Variants in ITGAX observed in about 807,000 individuals in gnomAD.
The protein encoded by ITGAX is integrin subunit alpha X.
A neutral mutation model predicts 140.2 loss-of-function variants in ITGAX; 99 were observed. That is an observed-to-expected ratio of 0.71 (90% CI 0.60 to 0.83). The LOEUF (loss-of-function observed/expected upper bound fraction) is 0.83, where lower values mean the gene tolerates loss of function less well. Ranked by LOEUF, ITGAX falls within the 40% of genes least tolerant of loss-of-function variation. ITGAX has a pLI of 0.00. For synonymous variants in ITGAX, 631 were observed against 600.4 expected (o/e 1.05, Z -0.75); for missense variants, 1,444 against 1,482.0 (o/e 0.97, Z 0.42).
At chr16:31,361,573 A>C in intron 9 of ITGAX, 1 of 707,056 alleles carries the variant, frequency 1.4e-6, no homozygotes, top group Non-Finnish European at 2.5e-6. Context: ...GGGCACACGG[A>C]CACCTGGCCC....
chr16:31,366,127 T>A (rs982770303), intron 14 of ITGAX, among the ~76,000 whole-genome samples: 2 of 152,242 alleles, frequency 1.3e-5, no homozygotes, highest in Non-Finnish European at 2.9e-5. Flanking sequence ...ACGCTGAAGG[T>A]ATGCAGCGAC....
At chr16:31,374,077 T>G (rs1241363406) in intron 20 of ITGAX, among the ~76,000 whole-genome samples, 3 of 151,880 alleles carry the variant, frequency 2.0e-5, no homozygotes, top group African/African-American at 7.3e-5. Flanking sequence ...TCACCGGAGG[T>G]CAGGAGTTTG....
intron 7 of ITGAX, 118 bp from the exon 8 acceptor site, chr16:31,360,192 G>GGCCT (rs2080808104): frequency 6.6e-7 from 1 of 1,513,050 alleles, no homozygotes; most frequent in Non-Finnish European, 8.9e-7. Context: ...GCCAAGCTGG[G>GGCCT]GCCTCTGGGT....
chr16:31,363,837 G>T (rs1001750350), intron 14 of ITGAX, among the ~76,000 whole-genome samples: 4 of 152,228 alleles, frequency 2.6e-5, no homozygotes, highest in African/African-American at 9.6e-5. Flanking sequence ...GCCTTGGTTT[G>T]TTGGAGGTTC....
chr16:31,377,383 G>A (rs1160599704), intron 23 of ITGAX, 118 bp downstream of exon 23: 3 of 796,154 alleles, frequency 3.8e-6, no homozygotes, highest in Admixed American at 2.9e-5. Context: ...GAAACTAAAA[G>A]GTCAGGTGTT....
Position 31,368,961 on chromosome 16 carries a change from A to T in ITGAX, c.1711-2123A>T, listed in dbSNP as rs1024709784. ...ATCAAGAGGATCCCAAGGCAGAAGAATTTTTCTTAGTACAGAACAAAATGA... is the reference window on the plus strand; with the variant it reads ...ATCAAGAGGATCCCAAGGCAGAAGATTTTTTCTTAGTACAGAACAAAATGA... On this transcript the variant is annotated intron_variant, in intron 14 of 29. Coordinates refer to ENST00000268296, the MANE Select transcript of ITGAX (RefSeq NM_000887.5). 1.3e-4 allele frequency among the ~76,000 whole-genome samples: 20 copies of T among 152,234 alleles called. 1 individual carries two copies. In the East Asian group the frequency reaches 3.5e-3, roughly 26 times the overall value.
Position 31,372,625 on chromosome 16 carries a change from A to C in ITGAX, c.2321A>C (p.Asp774Ala), listed in dbSNP as rs2080980763. The stretch of plus-strand genomic sequence containing the variant: ...CCCTTTGAGAAGAACTGTGGAGCCG[A>C]CCATATCTGCCAGGACAATCTCGGC... ...SLPFEKNCGADHICQDNLGIS... is the reference protein window; with the variant it reads ...SLPFEKNCGAAHICQDNLGIS... The change falls in exon 19 of 30, where the codon GAC (aspartate) becomes GCC (alanine). Residue 774 changes from aspartate (D) to alanine (A), a missense_variant. Asp to Ala is a moderately radical substitution (Grantham distance 126). Coordinates refer to ENST00000268296, the MANE Select transcript of ITGAX (RefSeq NM_000887.5). The C allele has an allele frequency of 6.2e-6, 10 of 1,613,964 alleles. No homozygotes were observed. Among genetic ancestry groups the C allele is most frequent in the Non-Finnish European group, 8.5e-6 (10 of 1,180,002 alleles).
At chr16:31,365,203 G>A (rs1322518545) in intron 14 of ITGAX, among the ~76,000 whole-genome samples, 3 of 152,272 alleles carry the variant, frequency 2.0e-5, no homozygotes, top group East Asian at 1.9e-4. Flanking sequence ...GCTGGGTGTG[G>A]GGGAAAGTCA....
intron 28 of ITGAX, 51 bp from the exon 29 acceptor site, chr16:31,380,846 C>A (rs752620133): frequency 6.6e-7 from 1 of 1,523,978 alleles, no homozygotes; most frequent in Non-Finnish European, 9.1e-7. Flanking sequence ...TGGGAGGAGT[C>A]TGGGATAGTA....
In ITGAX at chr16:31,362,694, G is replaced by A. The variant is rs2080845325; in HGVS notation, c.1300G>A (p.Val434Ile). The change falls in exon 12 of 30, where the codon GTC (valine) becomes ATC (isoleucine). Residue 434 changes from valine to isoleucine, a missense_variant. Coordinates refer to ENST00000268296, the MANE Select transcript of ITGAX (RefSeq NM_000887.5). ...CCGCTACCAGCACACCGGGAAGGCTGTCATCTTCACCCAGGTGTCCAGGCA... is the reference window on the plus strand; with the variant it reads ...CCGCTACCAGCACACCGGGAAGGCTATCATCTTCACCCAGGTGTCCAGGCA... ...APRYQHTGKAVIFTQVSRQWR... is the reference protein window; with the variant it reads ...APRYQHTGKAIIFTQVSRQWR... The A allele has an allele frequency of 6.2e-7, 1 of 1,613,828 alleles. No homozygotes were observed. Among genetic ancestry groups the A allele is most frequent in the African/African-American group, 1.3e-5 (1 of 74,894 alleles).
At chr16:31,360,155 G>A in intron 7 of ITGAX, 90 bp downstream of exon 7, 1 of 1,557,356 alleles carries the variant, frequency 6.4e-7, no homozygotes, top group Non-Finnish European at 8.7e-7. Flanking sequence ...GACAGGCAGG[G>A]ACCAAAATCC....
At chr16:31,368,061 G>C (rs2080909411) in intron 14 of ITGAX, among the ~76,000 whole-genome samples, 1 of 151,890 alleles carries the variant, frequency 6.6e-6, no homozygotes, top group Non-Finnish European at 1.5e-5. Flanking sequence ...TAGAGAACCA[G>C]AATTAGAAGT....
chr16:31,380,803 G>A, intron 28 of ITGAX, 94 bp from the exon 29 acceptor site: 3 of 1,300,706 alleles, frequency 2.3e-6, no homozygotes, highest in African/African-American at 1.5e-5. Flanking sequence ...AGGGCCTGGG[G>A]AAGGAGGGGA....
rs919668838 is a variant in ITGAX at position 31,382,291 on chromosome 16, G to C, written c.*384G>C. ...GACGGAGTCTCGCTCTGTCACCCAG[G>C]CTGGAGTGCAATGGCGTGATCTCGG... On this transcript the variant is annotated 3_prime_UTR_variant, in exon 30 of 30. Transcript: ENST00000268296. 42 of 1,044,118 alleles carry C rather than the reference G, an allele frequency of 4.0e-5. No individual in the cohort carries two copies. The highest frequency in any genetic ancestry group is 3.8e-6 in the Non-Finnish European group (3 of 790,466). The allele number at this position is 1,044,118 out of a possible 1,614,324, so 64.7% of individuals were successfully genotyped here.
intron 29 of ITGAX, 45 bp downstream of exon 29, chr16:31,381,052 G>C (rs771134132): frequency 5.4e-6 from 8 of 1,475,968 alleles, no homozygotes; most frequent in Non-Finnish European, 7.6e-6. Context: ...ATCTGGTCCC[G>C]CTCTTTTTGC....
At chr16:31,365,048 A>T (rs1031353159) in intron 14 of ITGAX, among the ~76,000 whole-genome samples, 1 of 152,116 alleles carries the variant, frequency 6.6e-6, no homozygotes, top group Non-Finnish European at 1.5e-5. Flanking sequence ...AAAGTTAAAC[A>T]TAGAGTTGCC....
In ITGAX at chr16:31,357,233, G is replaced by A. The variant is rs749493938; in HGVS notation, c.319-20G>A. On this transcript the variant is annotated intron_variant, in intron 4 of 29. Transcript: ENST00000268296. The stretch of plus-strand genomic sequence containing the variant: ...GGGAGGAAGCAGGGGCAGCCCCCCA[G>A]CAGCCCGCTGTGTCCCCAGGCCTGC... 13 of 1,578,706 alleles carry A rather than the reference G, an allele frequency of 8.2e-6. No individual in the cohort carries two copies. In the East Asian group the frequency reaches 3.0e-4, roughly 36 times the overall value.
chr16:31,365,023 C>A (rs1230525827), intron 14 of ITGAX, among the ~76,000 whole-genome samples: 1 of 151,906 alleles, frequency 6.6e-6, no homozygotes, highest in Admixed American at 6.6e-5. Flanking sequence ...CCGTCTCGAA[C>A]AAACAAACAA....
In ITGAX at chr16:31,371,201, G is replaced by A; in HGVS notation, c.1828G>A (p.Val610Met). The A allele has an allele frequency of 6.2e-7, 1 of 1,609,566 alleles. No homozygotes were observed. Among genetic ancestry groups the A allele is most frequent in the East Asian group, 2.2e-5 (1 of 44,842 alleles). Residue 610 changes from valine (V) to methionine (M), a missense_variant, in exon 15 of 30, where the codon GTG becomes ATG. Physicochemically the swap from Val to Met is conservative, Grantham distance 21. Transcript: ENST00000268296. Reference protein sequence around the residue: ...VDLAVGARGQVLLLRTRPVLW... With the variant: ...VDLAVGARGQMLLLRTRPVLW... The stretch of plus-strand genomic sequence containing the variant: ...CCTGGCTGTGGGGGCCCGGGGCCAG[G>A]TGCTCCTGCTCAGGTGAGAGCAGCC...
Sources: gnomAD v4.1 joint callset for allele counts (sites outside exome capture counted in the v4.1 genomes callset) on GRCh38, gnomAD v4.1.1 for gene constraint, MANE v1.5 for transcripts, NCBI Gene and HGNC (gene_info 2026-07-23, HGNC 2026-07-21) for gene names.